CYFIP2: variants seen among roughly 807,000 people sequenced by gnomAD.
CYFIP2 encodes cytoplasmic FMR1-interacting protein 2.
Under a neutral mutation model 158.7 loss-of-function variants are expected in CYFIP2, and 29 were observed. The ratio of observed to expected loss-of-function variants is 0.18; its 90% CI spans 0.14 to 0.25. The LOEUF is 0.25. CYFIP2 is among the 10% of genes least tolerant of loss of function. The probability of loss-of-function intolerance (pLI) is 1.00; values close to 1 mark genes in which losing one functional copy is unlikely to be tolerated. For missense variants in CYFIP2, 852 were observed against 1,639.5 expected, an observed-to-expected ratio of 0.52 and a Z score of 8.29; for synonymous variants, 585 against 617.6, an observed-to-expected ratio of 0.95 and a Z score of 0.78.
Position 157,393,024 on chromosome 5 carries a change from T to C in CYFIP2, c.*24T>C, listed in dbSNP as rs150599988. 2.4e-3 allele frequency: 3,800 copies of C among 1,610,296 alleles called. 143 individuals carry two copies. In the Admixed American group the frequency reaches 0.061, roughly 26 times the overall value. On this transcript the variant is annotated 3_prime_UTR_variant, in exon 31 of 31. Transcript: ENST00000620254. ...AAGCAGAAGATCCTGCAGACCCTTATCTGGAGGAGGAAGAGAAGCAGGAGA... is the reference window on the plus strand; with the variant it reads ...AAGCAGAAGATCCTGCAGACCCTTACCTGGAGGAGGAAGAGAAGCAGGAGA...
intron 8 of CYFIP2, among the ~76,000 whole-genome samples, chr5:157,305,129 C>T (rs1013297147): frequency 6.6e-5 from 10 of 152,096 alleles, no homozygotes; most frequent in African/African-American, 2.4e-4. Context: ...ATATATATAA[C>T]ACATTTTCTT....
At chr5:157,297,274 G>A (rs1269764372) in intron 5 of CYFIP2, among the ~76,000 whole-genome samples, 1 of 152,224 alleles carries the variant, frequency 6.6e-6, no homozygotes, top group Non-Finnish European at 1.5e-5. Flanking sequence ...AAGTGCCTGG[G>A]TGTGAGGGAA....
intron 13 of CYFIP2, among the ~76,000 whole-genome samples, chr5:157,316,970 G>A (rs979067303): frequency 1.3e-5 from 2 of 152,084 alleles, no homozygotes; most frequent in African/African-American, 4.8e-5. Context: ...TGGGCAACCT[G>A]GAAGAAAGTT....
At chr5:157,295,093 G>A (rs945492617) in intron 4 of CYFIP2, among the ~76,000 whole-genome samples, 1 of 152,156 alleles carries the variant, frequency 6.6e-6, no homozygotes, top group African/African-American at 2.4e-5. Flanking sequence ...TATTTCCAAA[G>A]CAGTATATGG....
chr5:157,297,612 C>T (rs1758362250), intron 5 of CYFIP2, among the ~76,000 whole-genome samples: 1 of 152,096 alleles, frequency 6.6e-6, no homozygotes, highest in Non-Finnish European at 1.5e-5. Context: ...AAGAACTATC[C>T]AGAAACTGAT....
chr5:157,373,159 C>A (rs545287660), intron 26 of CYFIP2, among the ~76,000 whole-genome samples: 1 of 152,294 alleles, frequency 6.6e-6, no homozygotes, highest in Non-Finnish European at 1.5e-5. Context: ...AAGATTTCAG[C>A]CATGCCTATT....
intron 26 of CYFIP2, among the ~76,000 whole-genome samples, chr5:157,367,822 T>C (rs1764558562): frequency 6.7e-6 from 1 of 148,650 alleles, no homozygotes; most frequent in Admixed American, 6.8e-5. Context: ...TGGCATGATC[T>C]CGGCTCACTG....
At position 157,298,467 on chromosome 5, in the gene CYFIP2, C is replaced by A. The variant is rs1758432714; in HGVS notation, c.387+1693C>A. The stretch of plus-strand genomic sequence containing the variant: ...CTGCCTCAGCCTCCCTCCCAAGTAG[C>A]CAGGACCACAGGTGTGTGCCACCAC... On this transcript the variant is annotated intron_variant, in intron 5 of 30. Transcript: ENST00000620254. 2.0e-5 allele frequency among the ~76,000 whole-genome samples: 3 copies of A among 151,618 alleles called. No homozygotes were observed. The South Asian group carries it at 6.3e-4, about 32-fold the overall frequency.
chr5:157,326,392 C>T, intron 18 of CYFIP2, 125 bp downstream of exon 18: 2 of 810,710 alleles, frequency 2.5e-6, no homozygotes, highest in East Asian at 2.5e-5. Context: ...TCTCTGTAAC[C>T]ATGGCCATCA....
intron 28 of CYFIP2, chr5:157,384,333 G>T (rs1221508692): frequency 2.2e-6 from 1 of 456,576 alleles, no homozygotes; most frequent in East Asian, 6.9e-5. Context: ...CATTTTGGGG[G>T]CAGGCAGGGG....
chr5:157,280,941 TTTTA>T (rs1185624906), intron 1 of CYFIP2, among the ~76,000 whole-genome samples: 2 of 152,202 alleles, frequency 1.3e-5, no homozygotes, highest in African/African-American at 4.8e-5. Context: ...AAAGTTATAA[TTTTA>T]TTTGTATGGT....
intron 26 of CYFIP2, among the ~76,000 whole-genome samples, chr5:157,374,601 G>T (rs540799698): frequency 1.3e-5 from 2 of 152,258 alleles, no homozygotes; most frequent in African/African-American, 4.8e-5. Context: ...CATTTGTCTT[G>T]CTTTGGTATC....
intron 1 of CYFIP2, among the ~76,000 whole-genome samples, chr5:157,267,756 C>T (rs1466862503): frequency 6.6e-6 from 1 of 152,254 alleles, no homozygotes; most frequent in African/African-American, 2.4e-5. Flanking sequence ...ATGGGAAACA[C>T]TGTAGAAATA....
At chr5:157,347,305 G>GA (rs11447275) in intron 23 of CYFIP2, among the ~76,000 whole-genome samples, 30,969 of 134,046 alleles carry the variant, frequency 0.23, 3,641 homozygotes, top group African/African-American at 0.31. Context: ...TTTTCCCTTG[G>GA]AAAAAAAAAA....
intron 26 of CYFIP2, among the ~76,000 whole-genome samples, chr5:157,366,674 G>A (rs1371077367): frequency 6.6e-6 from 1 of 152,092 alleles, no homozygotes; most frequent in African/African-American, 2.4e-5. Context: ...TCTGGTCATC[G>A]CAGCCTCTTA....
At position 157,369,879 on chromosome 5, in the gene CYFIP2, G is replaced by GTTTTGTTTTTTTTT. The variant is rs534240919; in HGVS notation, c.3039+8285_3039+8286insGTTTTTTTTTTTTT. On this transcript the variant is annotated intron_variant, in intron 26 of 30. Transcript: ENST00000620254. Reference sequence around the variant, plus strand: ...AACAAAATCCTTGAGAATGGACCTAGTTTTTTTTTTTTTTTTTTTAAAGAC... The same window carrying GTTTTGTTTTTTTTT: ...AACAAAATCCTTGAGAATGGACCTAGTTTTGTTTTTTTTTTTTTTTTTTTTTTTTTTTTAAAGAC... Among the ~76,000 whole-genome samples the GTTTTGTTTTTTTTT allele has an allele frequency of 2.4e-4, 25 of 103,274 alleles. 1 individual carries two copies. Among genetic ancestry groups the GTTTTGTTTTTTTTT allele is most frequent in the Non-Finnish European group, 4.3e-4 (22 of 50,858 alleles). 67.8% of individuals were successfully genotyped at this position (103,274 alleles called of 152,430 possible).
At chr5:157,391,260 G>A (rs1044182380) in intron 30 of CYFIP2, among the ~76,000 whole-genome samples, 1 of 152,172 alleles carries the variant, frequency 6.6e-6, no homozygotes, top group African/African-American at 2.4e-5. Context: ...AGTGAGAGGA[G>A]AGAGAGGTAA....
At position 157,295,135 on chromosome 5, in the gene CYFIP2, G is replaced by A. The variant is rs1758149372; in HGVS notation, c.285+275G>A. Among the ~76,000 whole-genome samples the A allele has an allele frequency of 3.9e-5, 6 of 152,162 alleles. No homozygotes were observed. The South Asian group carries it at 1.2e-3, about 32-fold the overall frequency. ...CATGACACCAAAACCACTGCAGAGG[G>A]TATGAAGTAAAAAGAAAGATGTTCC... is the stretch of plus-strand genomic sequence containing the variant. On this transcript the variant is annotated intron_variant, in intron 4 of 30. Coordinates refer to ENST00000620254, the MANE Select transcript of CYFIP2 (RefSeq NM_001037333.3).
rs770348914 is a variant in CYFIP2, at chr5:157,329,543, AAT to A, written c.2157-1196_2157-1195del. 7.2e-5 allele frequency among the ~76,000 whole-genome samples: 11 copies of A among 152,388 alleles called. 1 individual carries two copies. Among genetic ancestry groups the A allele is most frequent in the Admixed American group, 6.5e-4 (10 of 15,308 alleles). On this transcript the variant is annotated intron_variant, in intron 19 of 30. Coordinates refer to ENST00000620254, the MANE Select transcript of CYFIP2 (RefSeq NM_001037333.3). ...TCATTCAAAATGCCATGTGGCCACA[AAT>A]ATGAGCCAGAGATGTTATTTTAAAT...
Sources: gnomAD v4.1 joint callset for allele counts (sites outside exome capture counted in the v4.1 genomes callset) on GRCh38, gnomAD v4.1.1 for gene constraint, MANE v1.5 for transcripts, NCBI Gene and HGNC (gene_info 2026-07-23, HGNC 2026-07-21) for gene names.